Variants in PPARGC1A observed in about 807,000 individuals in gnomAD.
PPARGC1A encodes PPARG coactivator 1 alpha.
In PPARGC1A, 25 loss-of-function variants were observed where a neutral mutation model predicts 88.7. That is an observed-to-expected ratio of 0.28 (90% CI 0.21 to 0.39). PPARGC1A has a LOEUF of 0.39. PPARGC1A is among the 10% of genes least tolerant of loss of function. PPARGC1A has a pLI of 1.00. For missense variants in PPARGC1A, 880 were observed against 968.7 expected (o/e 0.91, Z 1.22); for synonymous variants, 363 against 355.6 (o/e 1.02, Z -0.24).
At chr4:24,197,951 A>G in the PPARGC1A span, among the ~76,000 whole-genome samples, 5 of 152,370 alleles carry the variant, frequency 3.3e-5, no homozygotes, top group East Asian at 7.7e-4. Context: ...ATCACAAAGC[A>G]TAAAGTACTC....
At chr4:23,887,534 T>A (rs1018885167) in intron 1 of PPARGC1A, among the ~76,000 whole-genome samples, 1 of 152,200 alleles carries the variant, frequency 6.6e-6, no homozygotes. Context: ...ATTTCACAAC[T>A]GTAGCCTCAA....
the PPARGC1A span, among the ~76,000 whole-genome samples, chr4:24,122,416 CATAT>C: frequency 3.3e-3 from 428 of 127,982 alleles, 1 homozygote; most frequent in Admixed American, 7.9e-3. Context: ...TGTGTGTGTG[CATAT>C]ATATATATAT....
At chr4:24,263,456 T>TACACACATGTGGGTGTATACACACAC in the PPARGC1A span, among the ~76,000 whole-genome samples, 1 of 150,086 alleles carries the variant, frequency 6.7e-6, no homozygotes, top group African/African-American at 2.5e-5. Flanking sequence ...TGTGGGTGTA[T>TACACACATGTGGGTGTATACACACAC]ACACACACAC....
chr4:23,888,908 C>G, intron 1 of PPARGC1A: 1 of 979,654 alleles, frequency 1.0e-6, no homozygotes, highest in Non-Finnish European at 1.2e-6. Context: ...CAGCTGGGAT[C>G]CTCCATGCAA....
the PPARGC1A span, among the ~76,000 whole-genome samples, chr4:24,063,573 A>G: frequency 1.3e-5 from 2 of 152,272 alleles, no homozygotes; most frequent in East Asian, 3.9e-4. Flanking sequence ...CCTAGCGATA[A>G]ATATTAATGT....
chr4:24,181,814 T>C, the PPARGC1A span, among the ~76,000 whole-genome samples: 1 of 152,056 alleles, frequency 6.6e-6, no homozygotes, highest in Admixed American at 6.5e-5. Flanking sequence ...CTTCCTGAAG[T>C]CTAAGTTGGC....
At chr4:24,250,043 TA>T in the PPARGC1A span, among the ~76,000 whole-genome samples, 1 of 152,118 alleles carries the variant, frequency 6.6e-6, no homozygotes, top group Non-Finnish European at 1.5e-5. Context: ...GCAAAAAGAA[TA>T]GAGTATGATG....
At chr4:24,216,236 C>T in the PPARGC1A span, among the ~76,000 whole-genome samples, 1 of 151,350 alleles carries the variant, frequency 6.6e-6, no homozygotes, top group East Asian at 2.0e-4. Flanking sequence ...CAACCTTCAC[C>T]TCCTGGATTC....
the PPARGC1A span, among the ~76,000 whole-genome samples, chr4:24,094,036 T>C: frequency 6.6e-6 from 1 of 152,162 alleles, no homozygotes; most frequent in African/African-American, 2.4e-5. Flanking sequence ...TGGGTATTAA[T>C]TCCCAGGGTG....
chr4:23,949,775 T>C, the PPARGC1A span, among the ~76,000 whole-genome samples: 1 of 152,100 alleles, frequency 6.6e-6, no homozygotes, highest in East Asian at 1.9e-4. Flanking sequence ...CCACAATCTA[T>C]GAAACTCTGA....
intron 2 of PPARGC1A, among the ~76,000 whole-genome samples, chr4:23,837,085 T>A (rs1053309900): frequency 6.6e-6 from 1 of 152,202 alleles, no homozygotes; most frequent in African/African-American, 2.4e-5. Flanking sequence ...GCTTGATCTC[T>A]GTTTGATAAA....
the PPARGC1A span, among the ~76,000 whole-genome samples, chr4:24,348,041 A>G: frequency 6.7e-4 from 102 of 152,306 alleles, 2 homozygotes; most frequent in African/African-American, 2.4e-3. Context: ...TCTGAAAACA[A>G]CTGTATCTTT....
At chr4:23,807,764 T>C (rs1359842548) in intron 10 of PPARGC1A, among the ~76,000 whole-genome samples, 1 of 151,870 alleles carries the variant, frequency 6.6e-6, no homozygotes, top group Non-Finnish European at 1.5e-5. Context: ...TATGTGTGTG[T>C]GTGTGAATAA....
the PPARGC1A span, among the ~76,000 whole-genome samples, chr4:24,325,880 A>T: frequency 1.3e-5 from 2 of 151,968 alleles, no homozygotes. Flanking sequence ...AACCTCTTAA[A>T]ACTCCCCAAC....
At chr4:24,219,260 C>T in the PPARGC1A span, among the ~76,000 whole-genome samples, 1 of 152,236 alleles carries the variant, frequency 6.6e-6, no homozygotes, top group Admixed American at 6.5e-5. Context: ...GGGGTGGTCA[C>T]ACCTGGGCCA....
At chr4:24,132,533 A>ACTTT in the PPARGC1A span, among the ~76,000 whole-genome samples, 1 of 152,104 alleles carries the variant, frequency 6.6e-6, no homozygotes, top group South Asian at 2.1e-4. Flanking sequence ...TACCTCAATG[A>ACTTT]CTTTCTTCTC....
the PPARGC1A span, among the ~76,000 whole-genome samples, chr4:24,168,736 C>T: frequency 6.6e-6 from 1 of 151,718 alleles, no homozygotes; most frequent in Non-Finnish European, 1.5e-5. Flanking sequence ...AAAGCCAGAA[C>T]AAGAAAAATA....
At chr4:23,988,988 C>A in the PPARGC1A span, among the ~76,000 whole-genome samples, 1 of 146,870 alleles carries the variant, frequency 6.8e-6, no homozygotes, top group South Asian at 2.1e-4. Flanking sequence ...ATATAGTATA[C>A]ATACACTATT....
At chr4:24,064,351 AG>A in the PPARGC1A span, among the ~76,000 whole-genome samples, 1 of 152,088 alleles carries the variant, frequency 6.6e-6, no homozygotes, top group Admixed American at 6.6e-5. Flanking sequence ...GGTTGAGGTA[AG>A]GGGACCAGTG....
Sources: allele counts gnomAD v4.1 joint callset (sites outside exome capture counted in the v4.1 genomes callset), GRCh38; gene constraint gnomAD v4.1.1; transcripts MANE v1.5; gene names NCBI Gene and HGNC (gene_info 2026-07-23, HGNC 2026-07-21).